The following FNTA variants were observed in gnomAD, a reference collection of about 807,000 sequenced individuals.
The protein encoded by FNTA is farnesyltransferase, CAAX box, subunit alpha.
FNTA carries 27 observed loss-of-function variants against 55.2 expected under a neutral mutation model. The ratio of observed to expected loss-of-function variants is 0.49; its 90% confidence interval spans 0.36 to 0.67. FNTA has a LOEUF of 0.67. Ranked by LOEUF, FNTA falls within the 30% of genes least tolerant of loss-of-function variation. FNTA has a pLI of 0.00. For synonymous variants in FNTA, 176 were observed against 170.7 expected (o/e 1.03, Z -0.24); for missense variants, 422 against 464.7 (o/e 0.91, Z 0.85).
At chr8:43,084,525 A>G in intron 7 of FNTA, 185 bp from the exon 8 acceptor site, 1 of 499,468 alleles carries the variant, frequency 2.0e-6, no homozygotes. Context: ...GCCAGCTCTT[A>G]ATTAACTAAT....
At position 43,085,589 on chromosome 8, in the gene FNTA, C is replaced by T. The variant is rs1341205058; in HGVS notation, c.*307C>T. The T allele has an allele frequency of 1.7e-5, 5 of 298,922 alleles. No individual in the cohort carries two copies. The highest frequency in any genetic ancestry group is 8.8e-5 in the East Asian group (1 of 11,396). The allele number at this position is 298,922 out of a possible 1,614,324, so 18.5% of individuals were successfully genotyped here. A position where few individuals can be genotyped will look rare whatever the true frequency, so the allele number is the denominator to read the frequency against. ...TCAGCTCCTCCCTCAGTGGTACATG[C>T]GTCAAGATTTGTAGCAGTAATAACT... is the stretch of plus-strand genomic sequence containing the variant. On this transcript the variant is annotated 3_prime_UTR_variant, in exon 9 of 9. Coordinates refer to ENST00000302279, the MANE Select transcript of FNTA (RefSeq NM_002027.3).
chr8:43,084,041 C>T (rs577029600), intron 7 of FNTA, among the ~76,000 whole-genome samples: 2 of 151,810 alleles, frequency 1.3e-5, no homozygotes, highest in African/African-American at 4.8e-5. Context: ...CACTGTGCCC[C>T]AGCCTGGGCG....
At chr8:43,066,679 ATGGT>A (rs1376626995) in intron 3 of FNTA, among the ~76,000 whole-genome samples, 2 of 151,300 alleles carry the variant, frequency 1.3e-5, no homozygotes, top group Non-Finnish European at 2.9e-5. Flanking sequence ...TTTTTCTCAA[ATGGT>A]TGGTAATTCT....
At chr8:43,069,448 G>T in intron 3 of FNTA, 107 bp from the exon 4 acceptor site, 1 of 709,076 alleles carries the variant, frequency 1.4e-6, no homozygotes. Flanking sequence ...CAGATTACCT[G>T]CCAAAAATTT....
chr8:43,077,968 G>A (rs939160662), intron 6 of FNTA: 23 of 152,172 alleles, frequency 1.5e-4, no homozygotes, highest in African/African-American at 5.5e-4. Context: ...CTGAGTGTCT[G>A]TTTTACAATT....
At chr8:43,082,082 A>G (rs1006484725) in intron 6 of FNTA, 1 of 147,800 alleles carries the variant, frequency 6.8e-6, no homozygotes, top group African/African-American at 2.5e-5. Context: ...TACTCTGTGG[A>G]AAAAAAAAAA....
chr8:43,081,240 A>G (rs1177286077), intron 6 of FNTA: 1 of 152,222 alleles, frequency 6.6e-6, no homozygotes, highest in African/African-American at 2.4e-5. Context: ...AGAGTGAGCT[A>G]TAATTGGGTG....
chr8:43,080,866 T>C (rs1297728334), intron 6 of FNTA: 2 of 152,228 alleles, frequency 1.3e-5, no homozygotes, highest in African/African-American at 4.8e-5. Flanking sequence ...TGAAGAGTTT[T>C]CAAAATGCAA....
chr8:43,066,587 C>CGTGTGTGTGTGTGTGTGTGT (rs34748037), intron 3 of FNTA, among the ~76,000 whole-genome samples: 3 of 148,580 alleles, frequency 2.0e-5, no homozygotes, highest in East Asian at 2.0e-4. Context: ...TAGCATCGTT[C>CGTGTGTGTGTGTGTGTGTGT]GTGTGTGTGT....
At chr8:43,077,013 G>C (rs1180594748) in intron 5 of FNTA, 7 of 409,468 alleles carry the variant, frequency 1.7e-5, no homozygotes, top group Admixed American at 4.3e-5. Context: ...CCTGCTTTCT[G>C]TATGTGTCTT....
intron 5 of FNTA, among the ~76,000 whole-genome samples, chr8:43,074,475 T>C (rs1169682360): frequency 6.6e-6 from 1 of 152,110 alleles, no homozygotes; most frequent in African/African-American, 2.4e-5. Flanking sequence ...TGGTGAGCTA[T>C]GCTCACGCCA....
chr8:43,060,833 A>G (rs1309237495), intron 2 of FNTA, among the ~76,000 whole-genome samples: 1 of 152,188 alleles, frequency 6.6e-6, no homozygotes, highest in Non-Finnish European at 1.5e-5. Flanking sequence ...TTAAAAAGCA[A>G]GCAGCAGTGT....
chr8:43,079,955 A>G (rs993008813), intron 6 of FNTA: 5 of 152,526 alleles, frequency 3.3e-5, no homozygotes, highest in Non-Finnish European at 5.9e-5. Context: ...AGGAAACTAG[A>G]ATTAGAAGTG....
chr8:43,084,674 C>G (rs1334617328), intron 7 of FNTA, 36 bp from the exon 8 acceptor site: 1 of 1,536,732 alleles, frequency 6.5e-7, no homozygotes, highest in East Asian at 2.3e-5. Context: ...TCTTCCTTCA[C>G]AAAATCAAGT....
rs1406658607 is a variant in FNTA, at chr8:43,084,503, C to T, written c.846-207C>T. 2 of 430,668 alleles carry T rather than the reference C, an allele frequency of 4.6e-6. 1 individual carries two copies. The highest frequency in any genetic ancestry group is 1.2e-3 in the Middle Eastern group (2 of 1,638). The allele number at this position is 430,668 out of a possible 1,614,324, so 26.7% of individuals were successfully genotyped here. A position where few individuals can be genotyped will look rare whatever the true frequency, so the allele number is the denominator to read the frequency against. On this transcript the variant is annotated intron_variant, in intron 7 of 8. Coordinates refer to ENST00000302279, the MANE Select transcript of FNTA (RefSeq NM_002027.3). ...TCCCAGAGTGTTTCCCAGGCATGAG[C>T]CACTGCACCTGGCCAGCTCTTAATT...
Position 43,072,200 on chromosome 8 carries a change from G to T in FNTA, c.526G>T (p.Val176Leu). The T allele has an allele frequency of 6.4e-7, 1 of 1,560,148 alleles. No individual in the cohort carries two copies. The highest frequency in any genetic ancestry group is 8.7e-7 in the Non-Finnish European group (1 of 1,153,888). Residue 176 changes from valine to leucine, a missense_variant, in exon 5 of 9, where the codon GTG becomes TTG. By Grantham distance (32) the Val-to-Leu change is conservative. Around this residue, in one of 2 missense-constraint regions of FNTA, gnomAD observed 262 missense variants for 343.1 expected, o/e 0.76. Coordinates refer to ENST00000302279, the MANE Select transcript of FNTA (RefSeq NM_002027.3). ...CTTTAGGCATCATAGGCGAGTATTAGTGGAATGGCTAAGAGATCCATCTCA... is the reference window on the plus strand; with the variant it reads ...CTTTAGGCATCATAGGCGAGTATTATTGGAATGGCTAAGAGATCCATCTCA... ...YQVWHHRRVL[V>L]EWLRDPSQEL...
chr8:43,075,972 G>A (rs1246830108), intron 5 of FNTA, among the ~76,000 whole-genome samples: 1 of 151,662 alleles, frequency 6.6e-6, no homozygotes, highest in Non-Finnish European at 1.5e-5. Flanking sequence ...GGGCTCAAGT[G>A]ATCCTCTTCA....
intron 6 of FNTA, chr8:43,081,702 A>C (rs1586662061): frequency 1.3e-5 from 2 of 152,396 alleles, no homozygotes; most frequent in East Asian, 3.9e-4. Context: ...AGCTGGGACT[A>C]CAGGCATGTG....
In FNTA at chr8:43,083,105, A is replaced by T. The variant is rs768053289; in HGVS notation, c.783-13A>T. 4.1e-6 allele frequency: 6 copies of T among 1,468,312 alleles called. No homozygotes were observed. Among genetic ancestry groups the T allele is most frequent in the East Asian group, 4.6e-5 (2 of 43,836 alleles). The allele number at this position is 1,468,312 out of a possible 1,614,324, so 91.0% of individuals were successfully genotyped here. A position where few individuals can be genotyped will look rare whatever the true frequency, so the allele number is the denominator to read the frequency against. On this transcript the variant is annotated splice_polypyrimidine_tract_variant and intron_variant, in intron 6 of 8. Transcript: ENST00000302279. ...TGTTCTTTTAAAATTGTATATATAT[A>T]TTTTTCTTGCAGATACACTCTGGAA...
Sources: gnomAD v4.1 joint callset for allele counts (sites outside exome capture counted in the v4.1 genomes callset) on GRCh38, gnomAD v4.1.1 for gene constraint, gnomAD v4.1.1 regional missense constraint, MANE v1.5 for transcripts, NCBI Gene and HGNC (gene_info 2026-07-23, HGNC 2026-07-21) for gene names.